Variants in NCKAP5 observed in about 807,000 individuals in gnomAD.
NCKAP5 encodes nck-associated protein 5.
NCKAP5 carries 92 observed loss-of-function variants against 167.0 expected under a neutral mutation model. The ratio of observed to expected loss-of-function variants is 0.55; its 90% CI spans 0.47 to 0.66. The LOEUF is 0.66. NCKAP5 is among the 30% of genes least tolerant of loss of function. The probability of loss-of-function intolerance (pLI) is 0.00; values close to 1 mark genes in which losing one functional copy is unlikely to be tolerated. For synonymous variants in NCKAP5, 891 were observed against 877.4 expected (o/e 1.02, Z -0.27); for missense variants, 2,378 against 2,315.0 (o/e 1.03, Z -0.56).
intron 8 of NCKAP5, among the ~76,000 whole-genome samples, chr2:132,894,261 T>A (rs1692959218): frequency 6.6e-6 from 1 of 152,194 alleles, no homozygotes; most frequent in African/African-American, 2.4e-5. Flanking sequence ...AAGAATTCAG[T>A]ACAGATTCAT....
intron 6 of NCKAP5, among the ~76,000 whole-genome samples, chr2:133,021,343 G>T (rs2149392036): frequency 6.6e-6 from 1 of 152,250 alleles, no homozygotes; most frequent in South Asian, 2.1e-4. Context: ...GGGAGGCCCA[G>T]AAATGAACAA....
intron 4 of NCKAP5, among the ~76,000 whole-genome samples, chr2:133,272,620 T>A (rs371446134): frequency 6.6e-6 from 1 of 152,152 alleles, no homozygotes; most frequent in East Asian, 1.9e-4. Flanking sequence ...TTTACCCAAG[T>A]TGAATTTGTT....
chr2:133,455,787 C>T (rs903779403), intron 3 of NCKAP5, among the ~76,000 whole-genome samples: 6 of 152,082 alleles, frequency 3.9e-5, no homozygotes, highest in African/African-American at 1.4e-4. Flanking sequence ...AGAACTTAAA[C>T]CCCCTTTTTA....
intron 16 of NCKAP5, among the ~76,000 whole-genome samples, chr2:132,767,017 T>C (rs1574131165): frequency 6.6e-6 from 1 of 152,280 alleles, no homozygotes; most frequent in East Asian, 1.9e-4. Flanking sequence ...GCTCCAAACC[T>C]CCTCTGTTTG....
intron 5 of NCKAP5, among the ~76,000 whole-genome samples, chr2:133,145,317 A>G (rs1441792717): frequency 2.0e-5 from 3 of 151,992 alleles, no homozygotes. Context: ...AGGAAGGGGA[A>G]CATCACATAC....
intron 3 of NCKAP5, among the ~76,000 whole-genome samples, chr2:133,340,858 G>T (rs1408036268): frequency 6.6e-6 from 1 of 152,110 alleles, no homozygotes; most frequent in Non-Finnish European, 1.5e-5. Context: ...TATGCTTATT[G>T]CACCTGTGTT....
At chr2:133,089,741 G>C (rs2081111474) in intron 6 of NCKAP5, among the ~76,000 whole-genome samples, 1 of 152,056 alleles carries the variant, frequency 6.6e-6, no homozygotes, top group South Asian at 2.1e-4. Context: ...TTTTTGTTTG[G>C]GAATCTTTAT....
intron 5 of NCKAP5, among the ~76,000 whole-genome samples, chr2:133,203,389 A>C (rs1363420875): frequency 6.6e-6 from 1 of 151,864 alleles, no homozygotes; most frequent in Non-Finnish European, 1.5e-5. Flanking sequence ...GGGGCCTGTC[A>C]TGGGGTGGGG....
intron 4 of NCKAP5, among the ~76,000 whole-genome samples, chr2:133,277,030 T>C (rs1225190852): frequency 1.3e-5 from 2 of 152,184 alleles, no homozygotes; most frequent in African/African-American, 4.8e-5. Flanking sequence ...TATATTTTCT[T>C]AACATCATAA....
Position 133,560,040 on chromosome 2 carries a change from T to C in NCKAP5, c.-129-923A>G, listed in dbSNP as rs1296867253. The stretch of plus-strand genomic sequence containing the variant: ...TAGAGCCCCCATTGGACAAATGCCA[T>C]GAATACTGATTCTTGTACTATGGGG... On this transcript the variant is annotated intron_variant, in intron 1 of 19. Transcript: ENST00000409261. Among the ~76,000 whole-genome samples, 6 of 152,342 alleles carry C rather than the reference T, an allele frequency of 3.9e-5. No individual in the cohort carries two copies. The East Asian group carries it at 9.6e-4, about 24-fold the overall frequency.
At chr2:133,470,867 G>T (rs546967703) in intron 3 of NCKAP5, among the ~76,000 whole-genome samples, 1 of 152,348 alleles carries the variant, frequency 6.6e-6, no homozygotes, top group South Asian at 2.1e-4. Flanking sequence ...ACCCTGCTTT[G>T]GCTTGCGCAT....
chr2:132,887,357 ATCCATCTT>A (rs773260247), intron 8 of NCKAP5, among the ~76,000 whole-genome samples: 47 of 124,458 alleles, frequency 3.8e-4, no homozygotes, highest in African/African-American at 1.3e-3. Flanking sequence ...CTATCCATCC[ATCCATCTT>A]TCCATCCATC....
chr2:133,647,410 A>C, the NCKAP5 span, among the ~76,000 whole-genome samples: 1 of 127,758 alleles, frequency 7.8e-6, no homozygotes, highest in South Asian at 2.4e-4. Flanking sequence ...GAAGGAAGGA[A>C]GGAAGGAAGA....
chr2:133,561,781 T>C (rs1187388135), intron 1 of NCKAP5, among the ~76,000 whole-genome samples: 1 of 152,170 alleles, frequency 6.6e-6, no homozygotes, highest in East Asian at 1.9e-4. Context: ...TCACAGAAGA[T>C]GAATGTTTTA....
intron 4 of NCKAP5, among the ~76,000 whole-genome samples, chr2:133,296,885 T>A (rs1382391726): frequency 1.3e-5 from 2 of 152,226 alleles, no homozygotes; most frequent in Non-Finnish European, 2.9e-5. Flanking sequence ...TTCAATGCCA[T>A]AAGCATTCAT....
chr2:133,665,714 A>AC, the NCKAP5 span, among the ~76,000 whole-genome samples: 45,077 of 151,926 alleles, frequency 0.3, 7,272 homozygotes, highest in South Asian at 0.38. Flanking sequence ...ACTGGGAAAA[A>AC]ACCACAATAT....
chr2:132,823,542 C>T lies in NCKAP5; in HGVS notation c.808-26813G>A, dbSNP rs558236556. ...AACTCAGTCAGCACTATATAAAATG[C>T]TAAAAGGAGTTTAAAATCTTCAAAG... On this transcript the variant is annotated intron_variant, in intron 11 of 19. Coordinates refer to ENST00000409261, the MANE Select transcript of NCKAP5 (RefSeq NM_207363.3). Among the ~76,000 whole-genome samples the T allele has an allele frequency of 9.3e-4, 141 of 151,808 alleles. 1 individual carries two copies. The highest frequency in any genetic ancestry group is 3.3e-3 in the African/African-American group (136 of 41,398).
intron 3 of NCKAP5, among the ~76,000 whole-genome samples, chr2:133,379,045 A>C (rs1394217895): frequency 1.3e-5 from 2 of 152,232 alleles, no homozygotes; most frequent in African/African-American, 4.8e-5. Context: ...CATGCTATTA[A>C]GCACTGCCTC....
chr2:133,603,965 G>A, the NCKAP5 span, among the ~76,000 whole-genome samples: 371 of 152,334 alleles, frequency 2.4e-3, 1 homozygote, highest in African/African-American at 8.3e-3. Flanking sequence ...CTCAGGGGCC[G>A]GGAAACACTG....
Sources: gnomAD v4.1 joint callset for allele counts (sites outside exome capture counted in the v4.1 genomes callset) on GRCh38, gnomAD v4.1.1 for gene constraint, MANE v1.5 for transcripts, NCBI Gene and HGNC (gene_info 2026-07-23, HGNC 2026-07-21) for gene names.